Variants in ABCA12 observed in about 807,000 individuals in gnomAD.
The protein encoded by ABCA12 is glucosylceramide transporter ABCA12.
Under a neutral mutation model 293.5 loss-of-function variants are expected in ABCA12, and 156 were observed. That is an observed-to-expected ratio of 0.53 (90% confidence interval 0.47 to 0.61). The LOEUF (loss-of-function observed/expected upper bound fraction) is 0.61. Among genes scored for constraint, ABCA12 ranks in the 20% least tolerant of loss-of-function variants. ABCA12 has a pLI of 0.00. For synonymous variants in ABCA12, 1,063 were observed against 1,108.0 expected (o/e 0.96, Z 0.81); for missense variants, 2,797 against 3,090.2 (o/e 0.91, Z 2.25).
intron 50 of ABCA12, among the ~76,000 whole-genome samples, chr2:214,940,914 G>A (rs1265823218): frequency 1.3e-5 from 2 of 152,046 alleles, no homozygotes; most frequent in African/African-American, 4.8e-5. Flanking sequence ...TCAAAAAGCA[G>A]CTCCTGGATT....
In ABCA12 at chr2:215,036,941, G is replaced by A; in HGVS notation, c.985+12C>T. On this transcript the variant is annotated intron_variant, in intron 8 of 52. Transcript: ENST00000272895. ...ACACTGAATTTAACACAGTAAGATG[G>A]AAATATAATACCTTGAGCTGGGGAG... The A allele has an allele frequency of 1.9e-6, 3 of 1,608,306 alleles. No homozygotes were observed. Among genetic ancestry groups the A allele is most frequent in the Non-Finnish European group, 2.6e-6 (3 of 1,174,880 alleles).
At chr2:215,048,621 T>G (rs566501389) in intron 6 of ABCA12, among the ~76,000 whole-genome samples, 1 of 152,222 alleles carries the variant, frequency 6.6e-6, no homozygotes, top group South Asian at 2.1e-4. Context: ...GAGAATTACT[T>G]GAACCCAGGA....
At chr2:214,954,767 AGTAGT>A (rs1698891195) in intron 43 of ABCA12, among the ~76,000 whole-genome samples, 1 of 152,198 alleles carries the variant, frequency 6.6e-6, no homozygotes, top group African/African-American at 2.4e-5. Context: ...CTTACAATGA[AGTAGT>A]CTCCAATACA....
rs1559176507 is a variant in ABCA12, at chr2:215,069,201, A to T, written c.164-4982T>A. ...AAAATTCTGACTTTTAAAAAAAAAA[A>T]TATGGAGTTACTCATTTGAGAGCAT... On this transcript the variant is annotated intron_variant, in intron 2 of 52. Coordinates refer to ENST00000272895, the MANE Select transcript of ABCA12 (RefSeq NM_173076.3). Among the ~76,000 whole-genome samples, 5 of 148,432 alleles carry T rather than the reference A, an allele frequency of 3.4e-5. No homozygotes were observed. In the Admixed American group the frequency reaches 3.4e-4, roughly 10 times the overall value.
intron 39 of ABCA12, among the ~76,000 whole-genome samples, chr2:214,966,191 T>C (rs1699253522): frequency 6.6e-6 from 1 of 152,132 alleles, no homozygotes; most frequent in African/African-American, 2.4e-5. Context: ...ATGGTGAGAA[T>C]ACATGGACAC....
chr2:214,984,524 C>T (rs1699743449), intron 28 of ABCA12, among the ~76,000 whole-genome samples: 1 of 152,168 alleles, frequency 6.6e-6, no homozygotes, highest in Admixed American at 6.5e-5. Flanking sequence ...CTTCATTATT[C>T]AGCTCCAGGA....
chr2:214,960,379 G>A (rs1699078545), intron 39 of ABCA12: 1 of 151,920 alleles, frequency 6.6e-6, no homozygotes, highest in Non-Finnish European at 1.5e-5. Flanking sequence ...TTTTATTTCT[G>A]CTTTGTATTT....
chr2:214,957,983 T>C (rs1699003272), intron 41 of ABCA12, among the ~76,000 whole-genome samples: 1 of 152,116 alleles, frequency 6.6e-6, no homozygotes. Context: ...AAAATGCATG[T>C]TCTCCACGCT....
intron 2 of ABCA12, among the ~76,000 whole-genome samples, chr2:215,110,160 C>T (rs1382413931): frequency 1.3e-5 from 2 of 152,046 alleles, no homozygotes. Flanking sequence ...TTTTTATGAA[C>T]AATCAAATAA....
At chr2:215,041,690 A>C (rs1398964914) in intron 7 of ABCA12, among the ~76,000 whole-genome samples, 1 of 152,224 alleles carries the variant, frequency 6.6e-6, no homozygotes, top group East Asian at 1.9e-4. Context: ...TGAAATTAGA[A>C]TAATGAAGAG....
intron 3 of ABCA12, among the ~76,000 whole-genome samples, chr2:215,057,986 A>G (rs1185472377): frequency 6.6e-6 from 1 of 152,066 alleles, no homozygotes; most frequent in African/African-American, 2.4e-5. Flanking sequence ...ACCAGGGATT[A>G]TGGTACATTA....
At chr2:214,983,017 C>T (rs895895096) in intron 29 of ABCA12, among the ~76,000 whole-genome samples, 1 of 152,046 alleles carries the variant, frequency 6.6e-6, no homozygotes, top group Non-Finnish European at 1.5e-5. Flanking sequence ...AAATGGCCAT[C>T]TGGGGGGGTA....
At chr2:214,950,352 G>GTA (rs201130990) in intron 45 of ABCA12, among the ~76,000 whole-genome samples, 57 of 142,234 alleles carry the variant, frequency 4.0e-4, no homozygotes, top group Middle Eastern at 3.5e-3. Context: ...ATATGTGTGT[G>GTA]TATATATATA....
rs1429595623 is a variant in ABCA12, at chr2:215,045,686, C to T, written c.872+151G>A. 4 of 726,364 alleles carry T rather than the reference C, an allele frequency of 5.5e-6. No individual in the cohort carries two copies. In the African/African-American group the frequency reaches 7.1e-5, roughly 13 times the overall value. 45.0% of individuals were successfully genotyped at this position (726,364 alleles called of 1,614,324 possible). ...TTCTTCTTTGCTTAACTAATACACT[C>T]ACCTTCACTGCTAAAATCTGCAATA... is the stretch of plus-strand genomic sequence containing the variant. On this transcript the variant is annotated intron_variant, in intron 7 of 52. Coordinates refer to ENST00000272895, the MANE Select transcript of ABCA12 (RefSeq NM_173076.3).
At chr2:215,128,649 AT>A (rs144932488) in intron 1 of ABCA12, among the ~76,000 whole-genome samples, 7 of 150,998 alleles carry the variant, frequency 4.6e-5, no homozygotes, top group East Asian at 3.9e-4. Flanking sequence ...CTAATTTTGT[AT>A]TTTTTTTTCT....
intron 2 of ABCA12, among the ~76,000 whole-genome samples, chr2:215,103,328 G>C (rs916263952): frequency 7.0e-6 from 1 of 143,756 alleles, no homozygotes; most frequent in Non-Finnish European, 1.5e-5. Context: ...GAGTGCAATG[G>C]TGTGATCTCA....
intron 7 of ABCA12, among the ~76,000 whole-genome samples, chr2:215,038,560 T>C (rs1166059426): frequency 2.0e-5 from 3 of 152,218 alleles, no homozygotes; most frequent in Non-Finnish European, 2.9e-5. Flanking sequence ...CTGCTCTGTA[T>C]ACATGACTGG....
chr2:215,047,703 C>A (rs937101330), intron 6 of ABCA12, among the ~76,000 whole-genome samples: 1 of 151,926 alleles, frequency 6.6e-6, no homozygotes, highest in African/African-American at 2.4e-5. Flanking sequence ...TGTAAAACCC[C>A]AAATTATAAA....
chr2:215,018,782 G>T (rs1172619325), intron 13 of ABCA12, among the ~76,000 whole-genome samples: 1 of 152,050 alleles, frequency 6.6e-6, no homozygotes, highest in Non-Finnish European at 1.5e-5. Flanking sequence ...TATCCTTCAT[G>T]CAAATATATC....
Sources: gnomAD v4.1 joint callset for allele counts (sites outside exome capture counted in the v4.1 genomes callset) on GRCh38, gnomAD v4.1.1 for gene constraint, MANE v1.5 for transcripts, NCBI Gene and HGNC (gene_info 2026-07-23, HGNC 2026-07-21) for gene names.